The following TMEM178B variants were observed in gnomAD, a reference collection of about 807,000 sequenced individuals.
TMEM178B encodes the protein transmembrane protein 178B.
TMEM178B carries 5 observed loss-of-function variants against 31.0 expected under a neutral mutation model. The ratio of observed to expected loss-of-function variants is 0.16; its 90% CI spans 0.08 to 0.34. The LOEUF (loss-of-function observed/expected upper bound fraction) is 0.34, where lower values mean the gene tolerates loss of function less well. TMEM178B is among the 10% of genes least tolerant of loss of function. The pLI, the probability that TMEM178B is intolerant of heterozygous loss-of-function variation, is 1.00. For synonymous variants in TMEM178B, 164 were observed against 164.0 expected, an observed-to-expected ratio of 1.00 and a Z score of 0.00; for missense variants, 275 against 400.3, an observed-to-expected ratio of 0.69 and a Z score of 2.67.
At chr7:141,167,963 C>A (rs919889089) in intron 1 of TMEM178B, among the ~76,000 whole-genome samples, 3 of 152,222 alleles carry the variant, frequency 2.0e-5, no homozygotes, top group Non-Finnish European at 4.4e-5. Context: ...CGCTTTCATG[C>A]ACTCACTTAG....
At chr7:141,192,486 C>G (rs1025624405) in intron 1 of TMEM178B, among the ~76,000 whole-genome samples, 1 of 109,250 alleles carries the variant, frequency 9.2e-6, no homozygotes, top group Non-Finnish European at 1.8e-5. Flanking sequence ...CTCCATGCAG[C>G]GGTCTTTTTT....
Position 141,242,477 on chromosome 7 carries a change from A to AGTGT in TMEM178B, c.496+29802_496+29805dup, listed in dbSNP as rs66723569. On this transcript the variant is annotated intron_variant, in intron 2 of 3. Coordinates refer to ENST00000565468, the MANE Select transcript of TMEM178B (RefSeq NM_001195278.2). Reference sequence around the variant, plus strand: ...TGTGGCTATTTTCACACTTTGTGTGAGTGTGTGTGTGTGTGTGTGTGTGTG... The same window carrying AGTGT: ...TGTGGCTATTTTCACACTTTGTGTGAGTGTGTGTGTGTGTGTGTGTGTGTGTGTG... 9.2e-4 allele frequency among the ~76,000 whole-genome samples: 129 copies of AGTGT among 140,522 alleles called. 1 individual carries two copies. The highest frequency in any genetic ancestry group is 3.3e-3 in the Admixed American group (47 of 14,078). 92.2% of individuals were successfully genotyped at this position (140,522 alleles called of 152,430 possible). A position where few individuals can be genotyped will look rare whatever the true frequency, so the allele number is the denominator to read the frequency against.
chr7:141,293,587 G>A (rs1013476043), intron 2 of TMEM178B, among the ~76,000 whole-genome samples: 6 of 152,170 alleles, frequency 3.9e-5, no homozygotes, highest in African/African-American at 1.4e-4. Context: ...AAAGGAAGTT[G>A]AGACCATGGG....
chr7:141,406,949 A>G (rs897172365), intron 2 of TMEM178B, among the ~76,000 whole-genome samples: 5 of 152,238 alleles, frequency 3.3e-5, no homozygotes, highest in Non-Finnish European at 7.3e-5. Context: ...GGAAAAAAGT[A>G]TCTTAAATGG....
At chr7:141,273,672 C>G (rs796947157) in intron 2 of TMEM178B, among the ~76,000 whole-genome samples, 3 of 151,282 alleles carry the variant, frequency 2.0e-5, no homozygotes, top group African/African-American at 7.3e-5. Flanking sequence ...GAGAGTGTGC[C>G]CTTGTATTTA....
intron 2 of TMEM178B, among the ~76,000 whole-genome samples, chr7:141,284,306 C>A (rs940362198): frequency 2.0e-5 from 3 of 152,064 alleles, no homozygotes; most frequent in Non-Finnish European, 2.9e-5. Flanking sequence ...CTTAAATTTA[C>A]GTTTTTAGTC....
At chr7:141,418,106 A>G (rs931092381) in intron 2 of TMEM178B, among the ~76,000 whole-genome samples, 11 of 152,216 alleles carry the variant, frequency 7.2e-5, no homozygotes, top group African/African-American at 2.7e-4. Context: ...TATTAGGTTC[A>G]TCCTCTCTGC....
the TMEM178B span, among the ~76,000 whole-genome samples, chr7:141,488,269 C>A: frequency 6.6e-6 from 1 of 152,096 alleles, no homozygotes; most frequent in African/African-American, 2.4e-5. Flanking sequence ...TGGTTTCTAG[C>A]CCCCAGAGGT....
intron 2 of TMEM178B, among the ~76,000 whole-genome samples, chr7:141,282,132 T>A (rs1277444404): frequency 2.6e-5 from 4 of 152,004 alleles, no homozygotes; most frequent in Non-Finnish European, 5.9e-5. Flanking sequence ...AAGAGGTGTT[T>A]AGAAGGTAGA....
At chr7:141,491,848 C>G in the TMEM178B span, among the ~76,000 whole-genome samples, 1 of 152,154 alleles carries the variant, frequency 6.6e-6, no homozygotes. Context: ...GGAATGCCAT[C>G]GCGTGCCCTT....
intron 2 of TMEM178B, among the ~76,000 whole-genome samples, chr7:141,298,957 C>T (rs1234881744): frequency 1.3e-5 from 2 of 152,112 alleles, no homozygotes; most frequent in African/African-American, 4.8e-5. Context: ...TGCTTGCATG[C>T]ACACCTGAGT....
intron 1 of TMEM178B, among the ~76,000 whole-genome samples, chr7:141,170,525 A>T (rs976180510): frequency 3.3e-5 from 5 of 152,162 alleles, no homozygotes; most frequent in African/African-American, 9.7e-5. Context: ...TCTCGTTGTT[A>T]TAAGGATCAA....
downstream of TMEM178B, among the ~76,000 whole-genome samples, chr7:141,483,548 C>T (rs1802511724): frequency 6.6e-6 from 1 of 152,164 alleles, no homozygotes; most frequent in Non-Finnish European, 1.5e-5. Context: ...ACTTGGCCTC[C>T]TCAACCTGTG....
At chr7:141,399,998 A>G (rs1800731565) in intron 2 of TMEM178B, among the ~76,000 whole-genome samples, 1 of 152,204 alleles carries the variant, frequency 6.6e-6, no homozygotes, top group Non-Finnish European at 1.5e-5. Context: ...TCAGTCTCCC[A>G]TGTGTCAAAC....
At chr7:141,339,596 G>A (rs1799482726) in intron 2 of TMEM178B, among the ~76,000 whole-genome samples, 1 of 152,196 alleles carries the variant, frequency 6.6e-6, no homozygotes, top group African/African-American at 2.4e-5. Context: ...AATATAAAAT[G>A]GAATAGAAAA....
rs114880907 is a variant in TMEM178B, at chr7:141,443,750, G to A, written c.634+6005G>A. Reference sequence around the variant, plus strand: ...GGCGTGAAGATGGAGTGCTGCGATGGAGATGCTCCTGTAGGATGGAGTAGC... The same window carrying A: ...GGCGTGAAGATGGAGTGCTGCGATGAAGATGCTCCTGTAGGATGGAGTAGC... On this transcript the variant is annotated intron_variant, in intron 3 of 3. Coordinates refer to ENST00000565468, the MANE Select transcript of TMEM178B (RefSeq NM_001195278.2). 5.1e-3 allele frequency among the ~76,000 whole-genome samples: 778 copies of A among 152,304 alleles called. 11 individuals carry two copies. The highest frequency in any genetic ancestry group is 0.018 in the African/African-American group (744 of 41,562).
downstream of TMEM178B, among the ~76,000 whole-genome samples, chr7:141,484,065 C>CAGTGCTT (rs1364223031): frequency 3.9e-5 from 6 of 152,106 alleles, no homozygotes; most frequent in Non-Finnish European, 5.9e-5. The surrounding 1 kb of genome is among the most constrained non-coding windows in gnomAD (Gnocchi z 4.8). Context: ...GAAACCTGTC[C>CAGTGCTT]AGTGCTTAGT....
chr7:141,100,734 T>C (rs1795042861), intron 1 of TMEM178B, among the ~76,000 whole-genome samples: 1 of 152,216 alleles, frequency 6.6e-6, no homozygotes, highest in African/African-American at 2.4e-5. Flanking sequence ...GAATGTAGAA[T>C]ATATATATGC....
At position 141,369,349 on chromosome 7, in the gene TMEM178B, GTGTGTGTGTA is replaced by G. The variant is rs1485165420; in HGVS notation, c.497-68249_497-68240del. Among the ~76,000 whole-genome samples the G allele has an allele frequency of 2.3e-3, 350 of 150,460 alleles. 1 individual carries two copies. The highest frequency in any genetic ancestry group is 7.7e-3 in the African/African-American group (312 of 40,706). On this transcript the variant is annotated intron_variant, in intron 2 of 3. Coordinates refer to ENST00000565468, the MANE Select transcript of TMEM178B (RefSeq NM_001195278.2). The stretch of plus-strand genomic sequence containing the variant: ...TGTGTGTGTGTGTGTGTGTGTGTGT[GTGTGTGTGTA>G]TGTGTGTGTGTTTATGTAGAGGAGA...
Sources: allele counts gnomAD v4.1 joint callset (sites outside exome capture counted in the v4.1 genomes callset), GRCh38; gene constraint gnomAD v4.1.1; non-coding constraint Gnocchi (gnomAD v3.1); transcripts MANE v1.5; gene names NCBI Gene and HGNC (gene_info 2026-07-23, HGNC 2026-07-21).